The following JMJD1C variants were observed in gnomAD, a reference collection of about 807,000 sequenced individuals.
The protein encoded by JMJD1C is jumonji domain-containing protein 1C.
Under a neutral mutation model 245.3 loss-of-function variants are expected in JMJD1C, and 31 were observed. The ratio of observed to expected loss-of-function variants is 0.13; its 90% CI spans 0.09 to 0.17. JMJD1C has a LOEUF of 0.17. Ranked by LOEUF, JMJD1C falls within the 10% of genes least tolerant of loss-of-function variation. The probability of loss-of-function intolerance (pLI) is 1.00; values close to 1 mark genes in which losing one functional copy is unlikely to be tolerated. For missense variants in JMJD1C, 2,691 were observed against 3,000.2 expected, an observed-to-expected ratio of 0.90 and a Z score of 2.41; for synonymous variants, 1,057 against 1,017.4, an observed-to-expected ratio of 1.04 and a Z score of -0.74.
chr10:63,463,965 G>A (rs1338574286), intron 1 of JMJD1C, among the ~76,000 whole-genome samples: 1 of 151,534 alleles, frequency 6.6e-6, no homozygotes, highest in Non-Finnish European at 1.5e-5. Flanking sequence ...GAGCAATTAA[G>A]TTATTTATAT....
chr10:63,397,208 CTTTAT>C (rs753365923), intron 1 of JMJD1C, among the ~76,000 whole-genome samples: 53 of 151,998 alleles, frequency 3.5e-4, no homozygotes, highest in African/African-American at 8.4e-4. Context: ...TTGAACTGAT[CTTTAT>C]TTTATTTTAT....
chr10:63,349,809 T>C (rs960030773), intron 2 of JMJD1C, among the ~76,000 whole-genome samples: 5 of 152,146 alleles, frequency 3.3e-5, no homozygotes, highest in African/African-American at 1.2e-4. Context: ...AAATACAGAA[T>C]TGAGGAAAAT....
intron 2 of JMJD1C, among the ~76,000 whole-genome samples, chr10:63,292,697 C>T (rs544740570): frequency 4.6e-5 from 7 of 152,162 alleles, no homozygotes; most frequent in African/African-American, 1.7e-4. Context: ...GTCCATAGTC[C>T]CTCTTTATTA....
In JMJD1C at chr10:63,288,919, TAA is replaced by T. The variant is rs1271037306; in HGVS notation, c.334-24157_334-24156del. ...ATAATAATAATAATAATAATAATAA[TAA>T]TAATAATGATAATAATCTGTATATT... On this transcript the variant is annotated intron_variant, in intron 2 of 25. Coordinates refer to ENST00000399262, the MANE Select transcript of JMJD1C (RefSeq NM_032776.3). 3.5e-5 allele frequency among the ~76,000 whole-genome samples: 5 copies of T among 142,390 alleles called. No individual in the cohort carries two copies. The East Asian group carries it at 1.0e-3, about 28-fold the overall frequency. 93.4% of individuals were successfully genotyped at this position (142,390 alleles called of 152,430 possible). A position where few individuals can be genotyped will look rare whatever the true frequency, so the allele number is the denominator to read the frequency against.
chr10:63,211,843 A>AAG lies in JMJD1C; in HGVS notation c.2694+1629_2694+1630insCT, dbSNP rs1479742369. 1.1e-4 allele frequency among the ~76,000 whole-genome samples: 16 copies of AAG among 150,768 alleles called. No homozygotes were observed. In the East Asian group the frequency reaches 3.1e-3, roughly 29 times the overall value. ...TGTCTCAAAAAAAAAAAAAAAAAAA[A>AAG]AAAACCCCACAAAAAAACAAAAAAA... On this transcript the variant is annotated intron_variant, in intron 8 of 25. Coordinates refer to ENST00000399262, the MANE Select transcript of JMJD1C (RefSeq NM_032776.3).
At chr10:63,304,811 C>T (rs546325327) in intron 2 of JMJD1C, among the ~76,000 whole-genome samples, 1 of 152,094 alleles carries the variant, frequency 6.6e-6, no homozygotes, top group Non-Finnish European at 1.5e-5. Context: ...TATTTACACA[C>T]ACAGCAAATT....
At chr10:63,219,728 A>G (rs908975948) in intron 4 of JMJD1C, 150 bp downstream of exon 4, 1 of 518,310 alleles carries the variant, frequency 1.9e-6, no homozygotes, top group Non-Finnish European at 3.5e-6. Flanking sequence ...CAAAATTATT[A>G]TCACTCTGCT....
At chr10:63,417,682 C>T (rs766039130) in intron 1 of JMJD1C, among the ~76,000 whole-genome samples, 1 of 152,104 alleles carries the variant, frequency 6.6e-6, no homozygotes, top group African/African-American at 2.4e-5. Flanking sequence ...TGTGATTATG[C>T]TATATTCTAC....
chr10:63,294,519 C>T (rs533018346), intron 2 of JMJD1C, among the ~76,000 whole-genome samples: 4 of 152,206 alleles, frequency 2.6e-5, no homozygotes, highest in East Asian at 1.9e-4. Flanking sequence ...CTCTTGACCT[C>T]GTGATCCGCC....
At chr10:63,506,678 G>T (rs970167951) in intron 1 of JMJD1C, among the ~76,000 whole-genome samples, 1 of 151,860 alleles carries the variant, frequency 6.6e-6, no homozygotes, top group African/African-American at 2.4e-5. Context: ...CCCATTTACC[G>T]CCTGTCCCTA....
chr10:63,521,559 T>C, intron 1 of JMJD1C: 1 of 1,436,808 alleles, frequency 7.0e-7, no homozygotes, highest in Non-Finnish European at 9.2e-7. Flanking sequence ...GTGTCCTGGA[T>C]GATCTCCAGA....
chr10:63,276,119 A>G (rs1242429631), intron 2 of JMJD1C, among the ~76,000 whole-genome samples: 1 of 152,160 alleles, frequency 6.6e-6, no homozygotes, highest in Non-Finnish European at 1.5e-5. Flanking sequence ...ACAAGCTCAG[A>G]GCCATTAACT....
intron 2 of JMJD1C, among the ~76,000 whole-genome samples, chr10:63,315,989 T>G (rs2134078269): frequency 6.6e-6 from 1 of 151,996 alleles, no homozygotes; most frequent in South Asian, 2.1e-4. Context: ...GGCAAAATAG[T>G]GAGACCCCTG....
chr10:63,249,004 G>A (rs1852673367), intron 3 of JMJD1C, among the ~76,000 whole-genome samples: 1 of 152,234 alleles, frequency 6.6e-6, no homozygotes, highest in Admixed American at 6.5e-5. Flanking sequence ...TGTTGTCACT[G>A]ATATGTGGGA....
intron 1 of JMJD1C, among the ~76,000 whole-genome samples, chr10:63,520,369 TA>T (rs1955171006): frequency 6.6e-6 from 1 of 152,186 alleles, no homozygotes; most frequent in Non-Finnish European, 1.5e-5. Flanking sequence ...GGACTTTAAT[TA>T]AAGGCTCCAA....
intron 3 of JMJD1C, among the ~76,000 whole-genome samples, chr10:63,238,029 A>G (rs1057016202): frequency 4.0e-4 from 60 of 148,418 alleles, no homozygotes; most frequent in Non-Finnish European, 7.0e-4. Flanking sequence ...AAAAAAAAAA[A>G]AAAAAGCCGG....
chr10:63,394,621 G>C (rs930179609), intron 1 of JMJD1C, among the ~76,000 whole-genome samples: 2 of 152,144 alleles, frequency 1.3e-5, no homozygotes, highest in East Asian at 3.9e-4. Context: ...GAGGCAGATA[G>C]ATCACCTGAG....
At chr10:63,234,166 C>T (rs76945598) in intron 3 of JMJD1C, among the ~76,000 whole-genome samples, 2 of 150,694 alleles carry the variant, frequency 1.3e-5, no homozygotes, top group Non-Finnish European at 3.0e-5. Context: ...ACTTGAGATC[C>T]AGAGTTACGA....
At chr10:63,187,529 C>T (rs1844270288) in intron 18 of JMJD1C, among the ~76,000 whole-genome samples, 1 of 152,132 alleles carries the variant, frequency 6.6e-6, no homozygotes, top group Non-Finnish European at 1.5e-5. Flanking sequence ...CCTGGACTTA[C>T]TGGGCTAAAG....
Sources: allele counts gnomAD v4.1 joint callset (sites outside exome capture counted in the v4.1 genomes callset), GRCh38; gene constraint gnomAD v4.1.1; transcripts MANE v1.5; gene names NCBI Gene and HGNC (gene_info 2026-07-23, HGNC 2026-07-21).